The following DLGAP4 variants were observed in gnomAD, a reference collection of about 807,000 sequenced individuals.
DLGAP4 encodes the protein disks large-associated protein 4.
A neutral mutation model predicts 86.9 loss-of-function variants in DLGAP4; 18 were observed. That is an observed-to-expected ratio of 0.21 (90% confidence interval 0.14 to 0.31). DLGAP4 has a LOEUF of 0.31. DLGAP4 is among the 10% of genes least tolerant of loss of function. The probability of loss-of-function intolerance (pLI) is 1.00; values close to 1 mark genes in which losing one functional copy is unlikely to be tolerated. For missense variants in DLGAP4, 1,085 were observed against 1,362.6 expected (o/e 0.80, Z 3.21); for synonymous variants, 548 against 574.3 (o/e 0.95, Z 0.65).
chr20:36,413,161 G>A (rs1042840782), intron 2 of DLGAP4, among the ~76,000 whole-genome samples: 4 of 151,086 alleles, frequency 2.6e-5, no homozygotes, highest in Non-Finnish European at 4.4e-5. Flanking sequence ...TGTATTTTTA[G>A]TAGAGACAGT....
intron 7 of DLGAP4, among the ~76,000 whole-genome samples, chr20:36,447,505 C>T (rs6019683): frequency 0.029 from 4,404 of 152,296 alleles, 233 homozygotes; most frequent in African/African-American, 0.099. Context: ...ACTGCAACCT[C>T]TGCCTCCCAG....
At chr20:36,495,022 C>T (rs2035829869) in intron 7 of DLGAP4, among the ~76,000 whole-genome samples, 1 of 41,788 alleles carries the variant, frequency 2.4e-5, no homozygotes, top group African/African-American at 8.7e-5. Context: ...GACGGAATTT[C>T]GCTCTTATTG....
rs1164504927 is a variant in DLGAP4 at position 36,430,917 on chromosome 20, T to C, written c.-72-729T>C. The stretch of plus-strand genomic sequence containing the variant: ...TTGCAGTGAGCCAGGATCACACCAC[T>C]GCACTCCAGCCTGGGTAACAGAGTG... On this transcript the variant is annotated intron_variant, in intron 2 of 12. Coordinates refer to ENST00000339266, the MANE Select transcript of DLGAP4 (RefSeq NM_001365621.2). 3.4e-5 allele frequency among the ~76,000 whole-genome samples: 5 copies of C among 145,974 alleles called. No homozygotes were observed. The Admixed American group carries it at 3.5e-4, about 10-fold the overall frequency.
chr20:36,510,883 G>A (rs1281347494), intron 10 of DLGAP4: 1 of 152,134 alleles, frequency 6.6e-6, no homozygotes, highest in East Asian at 1.9e-4. Context: ...CAATTACCAT[G>A]GCTTTGTAGC....
intron 1 of DLGAP4, among the ~76,000 whole-genome samples, chr20:36,348,046 C>G (rs549625056): frequency 3.3e-5 from 5 of 152,082 alleles, no homozygotes; most frequent in Non-Finnish European, 7.4e-5. Flanking sequence ...AGCCATATTG[C>G]ATGTATGACC....
At chr20:36,436,733 T>C (rs2033293408) in intron 4 of DLGAP4, among the ~76,000 whole-genome samples, 1 of 151,904 alleles carries the variant, frequency 6.6e-6, no homozygotes, top group African/African-American at 2.4e-5. Context: ...GGAGAATCGC[T>C]TGAACCCGGG....
intron 7 of DLGAP4, chr20:36,461,370 G>A (rs2034035445): frequency 8.4e-6 from 7 of 832,726 alleles, no homozygotes. Flanking sequence ...GCCCCTGCCC[G>A]GCCCGGGAGT....
Position 36,367,068 on chromosome 20 carries a change from G to C in DLGAP4, c.-280G>C, listed in dbSNP as rs1354327285. 1.3e-5 allele frequency: 2 copies of C among 152,334 alleles called. No homozygotes were observed. The highest frequency in any genetic ancestry group is 2.9e-5 in the Non-Finnish European group (2 of 68,128). The allele number at this position is 152,334 out of a possible 1,614,324, so 9.4% of individuals were successfully genotyped here. The stretch of plus-strand genomic sequence containing the variant: ...AGGCACCCGTGCCTCCCCTCTGCCA[G>C]GAACCTTGGGGCCTTGTGTGTGACC... On this transcript the variant is annotated 5_prime_UTR_variant, in exon 2 of 13. Coordinates refer to ENST00000339266, the MANE Select transcript of DLGAP4 (RefSeq NM_001365621.2).
intron 2 of DLGAP4, among the ~76,000 whole-genome samples, chr20:36,402,912 C>G (rs1869866514): frequency 6.6e-6 from 1 of 152,112 alleles, no homozygotes; most frequent in Non-Finnish European, 1.5e-5. Context: ...GATTCTGTAG[C>G]TGGTATTACT....
chr20:36,454,699 A>G (rs1427567593), intron 7 of DLGAP4, among the ~76,000 whole-genome samples: 3 of 152,142 alleles, frequency 2.0e-5, no homozygotes, highest in Non-Finnish European at 4.4e-5. Context: ...AGGGCATGAA[A>G]GCTCTGTCCT....
intron 6 of DLGAP4, among the ~76,000 whole-genome samples, chr20:36,445,188 A>T (rs2033557427): frequency 6.6e-6 from 1 of 152,070 alleles, no homozygotes; most frequent in Admixed American, 6.6e-5. Flanking sequence ...ATAGCCATAC[A>T]TGGCTCATGG....
At chr20:36,433,171 G>C (rs886224086) in intron 3 of DLGAP4, among the ~76,000 whole-genome samples, 1 of 152,210 alleles carries the variant, frequency 6.6e-6, no homozygotes, top group African/African-American at 2.4e-5. Context: ...GAGCGAGGGA[G>C]GGGTAGATGG....
At chr20:36,414,179 G>A (rs1387763722) in intron 2 of DLGAP4, among the ~76,000 whole-genome samples, 1 of 152,210 alleles carries the variant, frequency 6.6e-6, no homozygotes, top group Non-Finnish European at 1.5e-5. Context: ...AGCCAGGACT[G>A]GGGTCCCAGC....
chr20:36,495,654 A>G (rs2035855360), intron 7 of DLGAP4, among the ~76,000 whole-genome samples: 1 of 152,196 alleles, frequency 6.6e-6, no homozygotes, highest in Non-Finnish European at 1.5e-5. Flanking sequence ...TCAGGGTGAG[A>G]TTCAGAGATG....
intron 7 of DLGAP4, among the ~76,000 whole-genome samples, chr20:36,482,232 G>A (rs778601498): frequency 1.5e-4 from 23 of 152,166 alleles, no homozygotes; most frequent in Admixed American, 6.5e-4. Context: ...TCTGGGATTC[G>A]CTTGGTCATT....
At chr20:36,371,534 G>A (rs576328394) in intron 2 of DLGAP4, among the ~76,000 whole-genome samples, 4 of 152,352 alleles carry the variant, frequency 2.6e-5, no homozygotes, top group East Asian at 3.9e-4. Context: ...GCTGAGACCC[G>A]AAAGGATGAC....
chr20:36,310,176 AAAAAAAAGAAAGAAAGAAAGAAAGAAAG>A (rs1207405987), intron 1 of DLGAP4, among the ~76,000 whole-genome samples: 3 of 108,012 alleles, frequency 2.8e-5, no homozygotes, highest in Non-Finnish European at 5.0e-5. Flanking sequence ...TCTACAAAAA[AAAAAAAAGAAAGAAAGAAAGAAAGAAAG>A]AAAGAAAGAA....
chr20:36,430,810 C>G (rs1487320047), intron 2 of DLGAP4, among the ~76,000 whole-genome samples: 1 of 151,918 alleles, frequency 6.6e-6, no homozygotes. Context: ...CAAAAATTAG[C>G]CATGTGTGGT....
At chr20:36,436,494 A>T (rs1054844598) in intron 4 of DLGAP4, 144 bp downstream of exon 4, 1 of 1,355,044 alleles carries the variant, frequency 7.4e-7, no homozygotes, top group Non-Finnish European at 9.7e-7. Flanking sequence ...CCCACTCATG[A>T]GTCCTGCTTC....
Sources: gnomAD v4.1 joint callset for allele counts (sites outside exome capture counted in the v4.1 genomes callset) on GRCh38, gnomAD v4.1.1 for gene constraint, MANE v1.5 for transcripts, NCBI Gene and HGNC (gene_info 2026-07-23, HGNC 2026-07-21) for gene names.